GLIS3: variants seen among roughly 807,000 people sequenced by gnomAD.
GLIS3 encodes zinc finger protein GLIS3.
In GLIS3, 53 loss-of-function variants were observed where a neutral mutation model predicts 78.6. That is an observed-to-expected ratio of 0.67 (90% confidence interval 0.54 to 0.85). The LOEUF (loss-of-function observed/expected upper bound fraction) is 0.85. Ranked by LOEUF, GLIS3 falls within the 40% of genes least tolerant of loss-of-function variation. GLIS3 has a pLI of 0.00. For missense variants in GLIS3, 1,703 were observed against 1,231.1 expected (o/e 1.38, Z -5.74); for synonymous variants, 684 against 509.9 (o/e 1.34, Z -4.60).
the GLIS3 span, among the ~76,000 whole-genome samples, chr9:4,434,871 G>A: frequency 2.0e-5 from 3 of 152,234 alleles, no homozygotes; most frequent in African/African-American, 7.2e-5. Context: ...GACCAGTGCT[G>A]AGCTGGGTGC....
chr9:4,391,509 T>G, the GLIS3 span, among the ~76,000 whole-genome samples: 2 of 152,004 alleles, frequency 1.3e-5, no homozygotes, highest in African/African-American at 4.8e-5. Flanking sequence ...CAGGTTCAAG[T>G]AGTTTCTTCC....
At position 4,253,805 on chromosome 9, in the gene GLIS3, G is replaced by A. The variant is rs185203247; in HGVS notation, c.388+32233C>T. Among the ~76,000 whole-genome samples the A allele has an allele frequency of 4.6e-5, 7 of 152,302 alleles. No homozygotes were observed. In the East Asian group the frequency reaches 1.4e-3, roughly 29 times the overall value. The stretch of plus-strand genomic sequence containing the variant: ...ATGGGAAAAGCGCAGTATCTGGGCT[G>A]GAATGCACCATTCCTCACAGCACAG... On this transcript the variant is annotated intron_variant, in intron 2 of 10. Coordinates refer to ENST00000381971, the MANE Select transcript of GLIS3 (RefSeq NM_001042413.2).
chr9:4,481,789 G>C, the GLIS3 span, among the ~76,000 whole-genome samples: 1 of 152,158 alleles, frequency 6.6e-6, no homozygotes, highest in Admixed American at 6.5e-5. Flanking sequence ...GTTTGAGTTA[G>C]AGAATACATG....
chr9:4,076,216 C>T (rs1378076815), intron 4 of GLIS3, among the ~76,000 whole-genome samples: 3 of 152,126 alleles, frequency 2.0e-5, no homozygotes, highest in Admixed American at 1.3e-4. Flanking sequence ...CATCTACTAT[C>T]CCATAAGAAC....
intron 4 of GLIS3, among the ~76,000 whole-genome samples, chr9:4,105,156 A>G (rs772958497): frequency 6.6e-6 from 1 of 152,214 alleles, no homozygotes; most frequent in Non-Finnish European, 1.5e-5. Context: ...TTCATATCAT[A>G]CCTATCTGAG....
intron 4 of GLIS3, among the ~76,000 whole-genome samples, chr9:3,984,855 T>A (rs937336979): frequency 9.9e-5 from 15 of 152,154 alleles, no homozygotes; most frequent in Admixed American, 3.3e-4. Flanking sequence ...CTCGTAATAG[T>A]GAATGAGTCT....
chr9:3,984,174 G>A (rs938159347), intron 4 of GLIS3, among the ~76,000 whole-genome samples: 3 of 152,232 alleles, frequency 2.0e-5, no homozygotes, highest in Admixed American at 1.3e-4. Context: ...CCACTTAGCA[G>A]AGTTGTGAGA....
At chr9:4,444,569 G>A in the GLIS3 span, among the ~76,000 whole-genome samples, 21 of 152,190 alleles carry the variant, frequency 1.4e-4, no homozygotes, top group Admixed American at 1.2e-3. Context: ...TAAAACACCT[G>A]GCTGCTGACA....
chr9:3,979,106 A>G (rs1456398569), intron 4 of GLIS3, among the ~76,000 whole-genome samples: 3 of 152,158 alleles, frequency 2.0e-5, no homozygotes, highest in South Asian at 2.1e-4. Flanking sequence ...GGAAAACCAT[A>G]TATTATATCA....
At chr9:4,224,643 G>A (rs535073083) in intron 2 of GLIS3, among the ~76,000 whole-genome samples, 1 of 151,800 alleles carries the variant, frequency 6.6e-6, no homozygotes, top group Non-Finnish European at 1.5e-5. Flanking sequence ...GACGCATTTT[G>A]AGTCCTAACT....
At chr9:4,057,988 T>G (rs563065619) in intron 4 of GLIS3, among the ~76,000 whole-genome samples, 28 of 152,330 alleles carry the variant, frequency 1.8e-4, no homozygotes, top group African/African-American at 6.5e-4. Flanking sequence ...TTCTGGGTTT[T>G]AGAACTCAAA....
intron 2 of GLIS3, among the ~76,000 whole-genome samples, chr9:4,153,283 G>A (rs62524071): frequency 0.073 from 11,053 of 152,250 alleles, 430 homozygotes; most frequent in Non-Finnish European, 0.088. Flanking sequence ...AAAATTGTGG[G>A]CTGTGCATGG....
the GLIS3 span, among the ~76,000 whole-genome samples, chr9:4,426,171 CA>C: frequency 4.4e-4 from 67 of 152,250 alleles, no homozygotes; most frequent in African/African-American, 1.5e-3. Context: ...TTAAAACCTC[CA>C]AAGTCATCTG....
At chr9:4,354,282 G>C in the GLIS3 span, among the ~76,000 whole-genome samples, 1 of 152,154 alleles carries the variant, frequency 6.6e-6, no homozygotes, top group Non-Finnish European at 1.5e-5. Flanking sequence ...AACTTCCTGA[G>C]ACCTTTTTGT....
chr9:4,078,395 T>A (rs1324621915), intron 4 of GLIS3, among the ~76,000 whole-genome samples: 3 of 142,182 alleles, frequency 2.1e-5, no homozygotes, highest in Non-Finnish European at 3.1e-5. Flanking sequence ...GGGGTTTGTC[T>A]GACAATTTCT....
chr9:4,213,696 A>G (rs28449975), intron 2 of GLIS3, among the ~76,000 whole-genome samples: 13,898 of 152,284 alleles, frequency 0.091, 643 homozygotes, highest in Non-Finnish European at 0.1. Flanking sequence ...CTGGCATGCG[A>G]AAAAGCACTA....
intron 4 of GLIS3, among the ~76,000 whole-genome samples, chr9:4,011,486 T>C (rs1822007529): frequency 6.6e-6 from 1 of 152,188 alleles, no homozygotes; most frequent in African/African-American, 2.4e-5. Context: ...GAACAGATGT[T>C]GGACTGTGTG....
intron 2 of GLIS3, among the ~76,000 whole-genome samples, chr9:4,160,029 A>G (rs1344044176): frequency 1.3e-5 from 2 of 152,022 alleles, no homozygotes; most frequent in African/African-American, 4.8e-5. Flanking sequence ...TGAACACAAA[A>G]TAATGCAAAC....
intron 4 of GLIS3, among the ~76,000 whole-genome samples, chr9:4,007,999 G>T (rs1427754294): frequency 6.6e-6 from 1 of 152,040 alleles, no homozygotes; most frequent in Non-Finnish European, 1.5e-5. Context: ...GTACACCAGG[G>T]TTGCATATCC....
Sources: allele counts gnomAD v4.1 joint callset (sites outside exome capture counted in the v4.1 genomes callset), GRCh38; gene constraint gnomAD v4.1.1; transcripts MANE v1.5; gene names NCBI Gene and HGNC (gene_info 2026-07-23, HGNC 2026-07-21).